Variants in MTMR6 observed in about 807,000 individuals in gnomAD.
MTMR6 encodes phosphatidylinositol-3,5-bisphosphate 3-phosphatase MTMR6.
Under a neutral mutation model 80.1 loss-of-function variants are expected in MTMR6, and 47 were observed. The observed-to-expected ratio is 0.59, with a 90% CI of 0.46 to 0.75. The LOEUF (loss-of-function observed/expected upper bound fraction) is 0.75. Ranked by LOEUF, MTMR6 falls within the 30% of genes least tolerant of loss-of-function variation. The pLI is 0.00. For synonymous variants in MTMR6, 254 were observed against 253.0 expected, an observed-to-expected ratio of 1.00 and a Z score of -0.04; for missense variants, 629 against 730.9, an observed-to-expected ratio of 0.86 and a Z score of 1.61.
At chr13:25,268,981 T>C (rs2137580428) in intron 2 of MTMR6, among the ~76,000 whole-genome samples, 1 of 152,312 alleles carries the variant, frequency 6.6e-6, no homozygotes, top group African/African-American at 2.4e-5. Context: ...GTTGTGGACA[T>C]GTCCCAATAG....
intron 1 of MTMR6, among the ~76,000 whole-genome samples, chr13:25,275,733 C>G (rs900397306): frequency 1.3e-5 from 2 of 150,944 alleles, no homozygotes; most frequent in Non-Finnish European, 3.0e-5. Flanking sequence ...TAGTGGCGGG[C>G]GCCTATAATC....
At chr13:25,250,543 C>T (rs567897642) in intron 13 of MTMR6, among the ~76,000 whole-genome samples, 3 of 152,014 alleles carry the variant, frequency 2.0e-5, no homozygotes, top group Non-Finnish European at 4.4e-5. Context: ...AAAGGAAAAC[C>T]AAATGGCCAA....
intron 1 of MTMR6, among the ~76,000 whole-genome samples, chr13:25,285,398 C>A (rs1281737932): frequency 7.3e-6 from 1 of 137,698 alleles, no homozygotes. Context: ...CGCCCCCCCC[C>A]CCCCAATTAT....
chr13:25,284,148 G>T (rs887375560), intron 1 of MTMR6, among the ~76,000 whole-genome samples: 1 of 152,040 alleles, frequency 6.6e-6, no homozygotes, highest in Non-Finnish European at 1.5e-5. Context: ...AAGAGGTTTG[G>T]GGGGGAAGCT....
At position 25,261,663 on chromosome 13, in the gene MTMR6, C is replaced by A; in HGVS notation, c.726+5G>T. The stretch of plus-strand genomic sequence containing the variant: ...AGCAGACTGTACTGTATTTAAAATA[C>A]ATACTTTTGGCCTGGTATCCATGAC... On this transcript the variant is annotated splice_donor_5th_base_variant and intron_variant, in intron 6 of 13. Transcript: ENST00000381801. 6.2e-7 allele frequency: 1 copy of A among 1,603,802 alleles called. No individual in the cohort carries two copies. The highest frequency in any genetic ancestry group is 8.5e-7 in the Non-Finnish European group (1 of 1,174,556).
intron 13 of MTMR6, among the ~76,000 whole-genome samples, chr13:25,250,493 A>G (rs1421586651): frequency 3.3e-5 from 5 of 152,222 alleles, no homozygotes; most frequent in Non-Finnish European, 4.4e-5. Flanking sequence ...AAATATGCCA[A>G]CAGAAAAATG....
intron 1 of MTMR6, among the ~76,000 whole-genome samples, chr13:25,282,087 G>A (rs1182639436): frequency 1.3e-5 from 2 of 152,114 alleles, no homozygotes; most frequent in African/African-American, 2.4e-5. Flanking sequence ...TGCTCTAGCT[G>A]TCTTGCTTGT....
At position 25,251,706 on chromosome 13, in the gene MTMR6, A is replaced by G. The variant is rs1396703012; in HGVS notation, c.1548T>C (p.Ile516=). ...LHPRQSVFNI[I]MNMNEQNKQL... ...GTTTATTTTGCTCATTCATATTCAT[A>G]ATTATATTAAATACAGACTGCCTAG... Residue 516 remains isoleucine, a synonymous_variant, in exon 13 of 14, where the codon ATT becomes ATC. Coordinates refer to ENST00000381801, the MANE Select transcript of MTMR6 (RefSeq NM_004685.5). This position sits in a 1 kb window ranked among gnomAD's most constrained non-coding sequence, Gnocchi z 4.1. 1.3e-6 allele frequency: 2 copies of G among 1,572,070 alleles called. No homozygotes were observed. The highest frequency in any genetic ancestry group is 2.7e-5 in the African/African-American group (2 of 73,634).
At chr13:25,252,573 T>C (rs1011604890) in intron 11 of MTMR6, among the ~76,000 whole-genome samples, 2 of 152,220 alleles carry the variant, frequency 1.3e-5, no homozygotes, top group Non-Finnish European at 2.9e-5. Flanking sequence ...AGGGGGAAAG[T>C]GGAAAATCTC....
chr13:25,267,756 G>C lies in MTMR6; in HGVS notation c.304+23C>G. 2.5e-6 allele frequency: 4 copies of C among 1,598,870 alleles called. 1 individual carries two copies. Among genetic ancestry groups the C allele is most frequent in the African/African-American group, 1.3e-5 (1 of 74,550 alleles). ...AACCCATCTCAAATTGAGCATGTAA[G>C]CTTTGGTCTCTAAGAACAATACCTT... On this transcript the variant is annotated intron_variant, in intron 3 of 13. Transcript: ENST00000381801.
rs766246447 is a variant in MTMR6, at chr13:25,253,757, A to T, written c.1346+7T>A. ...AAAAGGAGACTCTTTTAATTGAATC[A>T]TCTTACTTGAGCTCTTCTCTTTCCT... is the stretch of plus-strand genomic sequence containing the variant. On this transcript the variant is annotated splice_region_variant and intron_variant, in intron 11 of 13. Transcript: ENST00000381801. 8.1e-6 allele frequency: 13 copies of T among 1,612,060 alleles called. No homozygotes were observed. Among genetic ancestry groups the T allele is most frequent in the Non-Finnish European group, 7.6e-6 (9 of 1,178,662 alleles).
At chr13:25,271,503 T>G (rs535624320) in intron 2 of MTMR6, among the ~76,000 whole-genome samples, 10 of 152,346 alleles carry the variant, frequency 6.6e-5, no homozygotes, top group African/African-American at 2.2e-4. Context: ...AATTGCCACT[T>G]GCCTGAGCTT....
At chr13:25,271,302 C>T (rs1030416434) in intron 2 of MTMR6, among the ~76,000 whole-genome samples, 2 of 152,126 alleles carry the variant, frequency 1.3e-5, no homozygotes, top group Admixed American at 6.6e-5. Context: ...GGAAAGCCTA[C>T]CCACCTCTCC....
At chr13:25,273,970 T>C in intron 2 of MTMR6, 101 bp downstream of exon 2, 1 of 829,058 alleles carries the variant, frequency 1.2e-6, no homozygotes, top group East Asian at 2.6e-5. Context: ...TTGAGATAGG[T>C]AACCAATGAT....
chr13:25,269,798 T>C (rs1957531854), intron 2 of MTMR6, among the ~76,000 whole-genome samples: 1 of 152,050 alleles, frequency 6.6e-6, no homozygotes, highest in Non-Finnish European at 1.5e-5. Flanking sequence ...AAATTAAAAC[T>C]ACATAGAGAA....
At chr13:25,282,488 G>A (rs775024578) in intron 1 of MTMR6, among the ~76,000 whole-genome samples, 11 of 152,296 alleles carry the variant, frequency 7.2e-5, no homozygotes, top group Admixed American at 4.6e-4. Flanking sequence ...AGAGGATGGA[G>A]CAGAGAAGGA....
chr13:25,267,664 A>T (rs1442194787), intron 3 of MTMR6, 115 bp downstream of exon 3: 1 of 1,042,866 alleles, frequency 9.6e-7, no homozygotes, highest in East Asian at 2.6e-5. Context: ...AGTACAAAAG[A>T]ACCTGACTGT....
Position 25,251,754 on chromosome 13 carries a change from A to T in MTMR6, c.1500T>A (p.His500Gln). ...TAGGATGCAGTGTTCGATCAAATTGATGGTACATGTTCCTCCAAAACCTTT... is the reference window on the plus strand; with the variant it reads ...TAGGATGCAGTGTTCGATCAAATTGTTGGTACATGTTCCTCCAAAACCTTT... ...FNFKFWRNMY[H>Q]QFDRTLHPRQ... The change falls in exon 13 of 14, where the codon CAT (histidine) becomes CAA (glutamine). Residue 500 changes from histidine (H) to glutamine (Q), a missense_variant. By Grantham distance (24) the His-to-Gln change is conservative (BLOSUM62 0). Coordinates refer to ENST00000381801, the MANE Select transcript of MTMR6 (RefSeq NM_004685.5). The surrounding 1 kb of genome is among the most constrained non-coding windows in gnomAD (Gnocchi z 4.1). The T allele has an allele frequency of 2.5e-6, 4 of 1,605,950 alleles. No individual in the cohort carries two copies. Among genetic ancestry groups the T allele is most frequent in the Non-Finnish European group, 3.4e-6 (4 of 1,176,276 alleles).
chr13:25,275,830 C>T (rs1255305008), intron 1 of MTMR6, among the ~76,000 whole-genome samples: 2 of 143,514 alleles, frequency 1.4e-5, no homozygotes, highest in African/African-American at 2.7e-5. Context: ...CACTGCACTC[C>T]CGCCTGGGCA....
Sources: allele counts gnomAD v4.1 joint callset (sites outside exome capture counted in the v4.1 genomes callset), GRCh38; gene constraint gnomAD v4.1.1; non-coding constraint Gnocchi (gnomAD v3.1); transcripts MANE v1.5; gene names NCBI Gene and HGNC (gene_info 2026-07-23, HGNC 2026-07-21).